The following SSH2 variants were observed in gnomAD, a reference collection of about 807,000 sequenced individuals.
SSH2 encodes slingshot protein phosphatase 2.
SSH2 carries 37 observed loss-of-function variants against 135.2 expected under a neutral mutation model. The observed-to-expected ratio is 0.27, with a 90% CI of 0.21 to 0.36. The LOEUF (loss-of-function observed/expected upper bound fraction) is 0.36. Ranked by LOEUF, SSH2 falls within the 10% of genes least tolerant of loss-of-function variation. The pLI is 1.00. For synonymous variants in SSH2, 628 were observed against 646.2 expected (o/e 0.97, Z 0.43); for missense variants, 1,408 against 1,765.3 (o/e 0.80, Z 3.63).
chr17:29,772,492 C>A (rs971108810), intron 3 of SSH2, among the ~76,000 whole-genome samples: 1 of 152,094 alleles, frequency 6.6e-6, no homozygotes, highest in African/African-American at 2.4e-5. Context: ...TAATTGCTTT[C>A]TCTCTGTGGT....
intron 1 of SSH2, among the ~76,000 whole-genome samples, chr17:29,929,498 G>T (rs759323689): frequency 2.7e-4 from 41 of 152,070 alleles, no homozygotes; most frequent in East Asian, 3.9e-4. Flanking sequence ...TACGAAGAAG[G>T]GTGTGCAGTG....
At chr17:29,646,225 A>G (rs1363125448) in intron 14 of SSH2, among the ~76,000 whole-genome samples, 1 of 152,234 alleles carries the variant, frequency 6.6e-6, no homozygotes, top group African/African-American at 2.4e-5. Flanking sequence ...CAAAGGGATA[A>G]TAACGTAGTG....
intron 2 of SSH2, among the ~76,000 whole-genome samples, chr17:29,798,796 T>C (rs914580078): frequency 6.6e-6 from 1 of 152,214 alleles, no homozygotes; most frequent in African/African-American, 2.4e-5. Context: ...TTTGATATTG[T>C]TAGATTTGTG....
intron 1 of SSH2, among the ~76,000 whole-genome samples, chr17:29,860,945 A>G (rs1018440206): frequency 6.6e-6 from 1 of 151,928 alleles, no homozygotes; most frequent in African/African-American, 2.4e-5. Flanking sequence ...AGGTTTCACC[A>G]TGTTGGCCAG....
chr17:29,830,083 T>A (rs1295689978), intron 2 of SSH2, among the ~76,000 whole-genome samples: 2 of 152,030 alleles, frequency 1.3e-5, no homozygotes, highest in African/African-American at 4.8e-5. Flanking sequence ...TGGTGACCCT[T>A]CCGCCTCGGC....
At chr17:29,869,954 T>C (rs1367225278) in intron 1 of SSH2, among the ~76,000 whole-genome samples, 20 of 152,158 alleles carry the variant, frequency 1.3e-4, no homozygotes, top group Admixed American at 1.3e-3. Context: ...GGCATGGACT[T>C]CTTGCATGGG....
At chr17:29,902,543 A>AC (rs891721817) in intron 1 of SSH2, among the ~76,000 whole-genome samples, 1 of 151,802 alleles carries the variant, frequency 6.6e-6, no homozygotes, top group Non-Finnish European at 1.5e-5. Context: ...AAAAAAAAAA[A>AC]CCCCAATAAT....
intron 11 of SSH2, among the ~76,000 whole-genome samples, chr17:29,657,251 G>A (rs1192859037): frequency 6.6e-6 from 1 of 151,974 alleles, no homozygotes; most frequent in Non-Finnish European, 1.5e-5. Context: ...ACAGGCGTGA[G>A]GCACTGTGCC....
chr17:29,695,623 T>A (rs2038695271), intron 4 of SSH2, 100 bp from the exon 5 acceptor site: 2 of 971,590 alleles, frequency 2.1e-6, no homozygotes, highest in Non-Finnish European at 3.1e-6. Flanking sequence ...AAAGTTCTGA[T>A]TCATTAAAGG....
intron 3 of SSH2, among the ~76,000 whole-genome samples, chr17:29,722,168 G>A (rs1206840914): frequency 2.0e-5 from 3 of 151,816 alleles, no homozygotes; most frequent in Admixed American, 1.3e-4. Context: ...CCAGCTACTC[G>A]GGAGGCTGAG....
At chr17:29,824,639 G>A (rs1310767592) in intron 2 of SSH2, among the ~76,000 whole-genome samples, 1 of 152,092 alleles carries the variant, frequency 6.6e-6, no homozygotes, top group Non-Finnish European at 1.5e-5. Flanking sequence ...TGGAGGAAAT[G>A]GATACCTACC....
intron 1 of SSH2, among the ~76,000 whole-genome samples, chr17:29,918,645 T>C (rs1386943178): frequency 6.6e-6 from 1 of 152,138 alleles, no homozygotes; most frequent in Non-Finnish European, 1.5e-5. Context: ...TGCTTAATAA[T>C]GTTTCTTTTG....
rs111396218 is a variant in SSH2 at position 29,886,929 on chromosome 17, C to A, written c.64-38000G>T. Among the ~76,000 whole-genome samples, 525 of 152,110 alleles carry A rather than the reference C, an allele frequency of 3.5e-3. 1 individual carries two copies. The highest frequency in any genetic ancestry group is 0.01 in the Middle Eastern group (3 of 294). On this transcript the variant is annotated intron_variant, in intron 1 of 15. Transcript: ENST00000540801. ...TTACACAGTTCTGAAGACACTTTAC[C>A]AAGAGTATGTGGTATCCTTAAGTGC...
At chr17:29,736,612 C>G (rs1484425216) in intron 3 of SSH2, among the ~76,000 whole-genome samples, 2 of 150,164 alleles carry the variant, frequency 1.3e-5, no homozygotes, top group East Asian at 3.9e-4. Context: ...ATGGTGAAAC[C>G]CTGTCTCTAC....
At chr17:29,790,393 A>G (rs1407590736) in intron 3 of SSH2, among the ~76,000 whole-genome samples, 1 of 152,190 alleles carries the variant, frequency 6.6e-6, no homozygotes, top group African/African-American at 2.4e-5. Context: ...TCACATGAAC[A>G]TTCTGGCACC....
chr17:29,887,059 A>G (rs2066252574), intron 1 of SSH2, among the ~76,000 whole-genome samples: 1 of 152,192 alleles, frequency 6.6e-6, no homozygotes, highest in Non-Finnish European at 1.5e-5. Context: ...AGTGGTAGCA[A>G]AGCCAGATGA....
At chr17:29,757,173 A>G (rs948469407) in intron 3 of SSH2, among the ~76,000 whole-genome samples, 2 of 152,218 alleles carry the variant, frequency 1.3e-5, no homozygotes, top group South Asian at 2.1e-4. Context: ...AGTTATTGCT[A>G]TGTACCACAG....
At chr17:29,765,097 C>A (rs1407125327) in intron 3 of SSH2, among the ~76,000 whole-genome samples, 1 of 152,186 alleles carries the variant, frequency 6.6e-6, no homozygotes, top group Non-Finnish European at 1.5e-5. Flanking sequence ...CAAGTCCCTT[C>A]ATCTATAAAA....
chr17:29,835,150 A>T (rs989185678), intron 2 of SSH2, among the ~76,000 whole-genome samples: 1 of 152,200 alleles, frequency 6.6e-6, no homozygotes, highest in African/African-American at 2.4e-5. Flanking sequence ...CATTATTCAA[A>T]TCTAAGCAGG....
Sources: allele counts gnomAD v4.1 joint callset (sites outside exome capture counted in the v4.1 genomes callset), GRCh38; gene constraint gnomAD v4.1.1; transcripts MANE v1.5; gene names NCBI Gene and HGNC (gene_info 2026-07-23, HGNC 2026-07-21).